Variants in PDSS2 observed in about 807,000 individuals in gnomAD.
PDSS2 encodes the protein all trans-polyprenyl-diphosphate synthase PDSS2.
In PDSS2, 31 loss-of-function variants were observed where a neutral mutation model predicts 44.5. That is an observed-to-expected ratio of 0.70 (90% CI 0.52 to 0.94). The LOEUF (loss-of-function observed/expected upper bound fraction) is 0.94, where lower values mean the gene tolerates loss of function less well. PDSS2 is among the 40% of genes least tolerant of loss of function. The pLI is 0.00. For synonymous variants in PDSS2, 157 were observed against 180.3 expected, an observed-to-expected ratio of 0.87 and a Z score of 1.03; for missense variants, 452 against 482.2, an observed-to-expected ratio of 0.94 and a Z score of 0.59.
chr6:107,301,343 T>C (rs1056050429), intron 2 of PDSS2, among the ~76,000 whole-genome samples: 2 of 152,234 alleles, frequency 1.3e-5, no homozygotes, highest in African/African-American at 4.8e-5. Flanking sequence ...GTTTGTTTTC[T>C]GGTGAATAAA....
intron 1 of PDSS2, among the ~76,000 whole-genome samples, chr6:107,363,264 C>T (rs982975133): frequency 2.6e-5 from 4 of 152,200 alleles, no homozygotes; most frequent in Admixed American, 2.6e-4. Flanking sequence ...AAATTGTGTT[C>T]GGAATTGGTG....
At chr6:107,275,887 C>T (rs958266267) in intron 2 of PDSS2, among the ~76,000 whole-genome samples, 1 of 151,924 alleles carries the variant, frequency 6.6e-6, no homozygotes, top group Non-Finnish European at 1.5e-5. Flanking sequence ...GCCCAGGTGG[C>T]AGGACTGCTT....
intron 2 of PDSS2, among the ~76,000 whole-genome samples, chr6:107,301,683 G>T (rs1562447150): frequency 6.6e-6 from 1 of 151,964 alleles, no homozygotes; most frequent in African/African-American, 2.4e-5. Context: ...AATAGTCCAG[G>T]CTGGGTTTGG....
chr6:107,211,701 C>T (rs555366855), intron 5 of PDSS2, among the ~76,000 whole-genome samples: 1 of 146,812 alleles, frequency 6.8e-6, no homozygotes, highest in Non-Finnish European at 1.5e-5. Flanking sequence ...CACCACTGCA[C>T]TCCAGCCTGG....
intron 7 of PDSS2, among the ~76,000 whole-genome samples, chr6:107,176,695 T>C (rs1035773660): frequency 1.3e-5 from 2 of 152,156 alleles, no homozygotes; most frequent in Non-Finnish European, 2.9e-5. Context: ...CAACAGCTCA[T>C]TTCGTACAAA....
intron 1 of PDSS2, among the ~76,000 whole-genome samples, chr6:107,336,343 A>T (rs1777893690): frequency 6.6e-6 from 1 of 151,570 alleles, no homozygotes; most frequent in African/African-American, 2.4e-5. Flanking sequence ...ACCTTTCATT[A>T]GTTTCAAAAT....
chr6:107,274,028 C>T lies in PDSS2; in HGVS notation c.630+1G>A, dbSNP rs201390153. 65 of 1,613,290 alleles carry T rather than the reference C, an allele frequency of 4.0e-5. No individual in the cohort carries two copies. Among genetic ancestry groups the T allele is most frequent in the Non-Finnish European group, 5.3e-5 (63 of 1,179,424 alleles). The stretch of plus-strand genomic sequence containing the variant: ...TACAACAAAACCCTGCCCAATTTTA[C>T]CTTGGTGTTCTGTAGCAGAGCTAGT... On this transcript the variant is annotated splice_donor_variant, in intron 3 of 7. Transcript: ENST00000369037. LOFTEE classifies it high-confidence loss of function.
intron 2 of PDSS2, among the ~76,000 whole-genome samples, chr6:107,331,844 A>T (rs1777720596): frequency 1.3e-5 from 2 of 152,106 alleles, no homozygotes; most frequent in Non-Finnish European, 2.9e-5. Context: ...GATAAAAAAA[A>T]TAGTAGGTGC....
At chr6:107,410,627 A>G (rs936164846) in intron 1 of PDSS2, among the ~76,000 whole-genome samples, 1 of 151,876 alleles carries the variant, frequency 6.6e-6, no homozygotes, top group African/African-American at 2.4e-5. Context: ...AGCTGGGATT[A>G]CAGGCACGTG....
intron 7 of PDSS2, among the ~76,000 whole-genome samples, chr6:107,161,022 G>C (rs1771106016): frequency 6.6e-6 from 1 of 152,170 alleles, no homozygotes; most frequent in Admixed American, 6.6e-5. Flanking sequence ...ACAGGTGTGA[G>C]CCACTGCGCA....
At position 107,459,304 on chromosome 6, in the gene PDSS2, T is replaced by C. The variant is rs1481809272; in HGVS notation, c.-19A>G. 1.9e-6 allele frequency: 3 copies of C among 1,611,800 alleles called. No homozygotes were observed. Among genetic ancestry groups the C allele is most frequent in the Non-Finnish European group, 2.5e-6 (3 of 1,178,790 alleles). ...AGTTCATGGTTTGAGTCTGGAAGGG[T>C]CTGGGACCTGGGGGTATCCAGAAGT... On this transcript the variant is annotated 5_prime_UTR_variant, in exon 1 of 8. Transcript: ENST00000369037. This position sits in a 1 kb window ranked among gnomAD's most constrained non-coding sequence, Gnocchi z 4.3.
At chr6:107,229,034 A>G (rs1773938406) in intron 4 of PDSS2, among the ~76,000 whole-genome samples, 1 of 152,124 alleles carries the variant, frequency 6.6e-6, no homozygotes, top group Non-Finnish European at 1.5e-5. Context: ...AATGAAATAC[A>G]CTTCAGAGTA....
At chr6:107,384,476 A>G (rs1385078093) in intron 1 of PDSS2, among the ~76,000 whole-genome samples, 1 of 152,152 alleles carries the variant, frequency 6.6e-6, no homozygotes. Flanking sequence ...CCCTGTTTCT[A>G]TTAAAAATAC....
intron 1 of PDSS2, among the ~76,000 whole-genome samples, chr6:107,420,872 T>A (rs1328953669): frequency 6.6e-6 from 1 of 151,710 alleles, no homozygotes; most frequent in African/African-American, 2.4e-5. Context: ...TTAAAACTTT[T>A]ACTCTGCAAA....
rs1554279679 is a variant in PDSS2, at chr6:107,424,036, C to CATTTTT, written c.296+34953_296+34954insAAAAAT. On this transcript the variant is annotated intron_variant, in intron 1 of 7. Coordinates refer to ENST00000369037, the MANE Select transcript of PDSS2 (RefSeq NM_020381.4). ...AATTATGATTATTTTTATCTTGCAT[C>CATTTTT]TTTTTTTTTTTTTTTTTTTTTTTGG... 1.9e-3 allele frequency among the ~76,000 whole-genome samples: 170 copies of CATTTTT among 90,584 alleles called. 21 individuals are homozygous for CATTTTT. Among genetic ancestry groups the CATTTTT allele is most frequent in the African/African-American group, 2.2e-3 (49 of 21,990 alleles). 59.4% of individuals were successfully genotyped at this position (90,584 alleles called of 152,430 possible). A position where few individuals can be genotyped will look rare whatever the true frequency, so the allele number is the denominator to read the frequency against.
intron 2 of PDSS2, among the ~76,000 whole-genome samples, chr6:107,316,291 A>C (rs1036915117): frequency 1.3e-5 from 2 of 152,160 alleles, no homozygotes; most frequent in African/African-American, 4.8e-5. Flanking sequence ...ACATCACTTT[A>C]ATTTTTCTGG....
At chr6:107,345,564 G>A (rs1778216735) in intron 1 of PDSS2, among the ~76,000 whole-genome samples, 1 of 151,610 alleles carries the variant, frequency 6.6e-6, no homozygotes, top group African/African-American at 2.4e-5. Flanking sequence ...TACAACAGCA[G>A]ATGGATGAAG....
At chr6:107,324,537 A>G (rs866420187) in intron 2 of PDSS2, among the ~76,000 whole-genome samples, 84 of 152,288 alleles carry the variant, frequency 5.5e-4, no homozygotes, top group African/African-American at 1.9e-3. Flanking sequence ...AAAAACTGAA[A>G]TACTACAAAT....
intron 1 of PDSS2, among the ~76,000 whole-genome samples, chr6:107,418,255 A>T (rs1459500736): frequency 6.6e-6 from 1 of 152,234 alleles, no homozygotes; most frequent in Non-Finnish European, 1.5e-5. Context: ...CAAAAGAGGA[A>T]GGCAGGAGGG....
Sources: gnomAD v4.1 joint callset for allele counts (sites outside exome capture counted in the v4.1 genomes callset) on GRCh38, gnomAD v4.1.1 for gene constraint, Gnocchi (gnomAD v3.1) non-coding constraint, MANE v1.5 for transcripts, NCBI Gene and HGNC (gene_info 2026-07-23, HGNC 2026-07-21) for gene names.